CBFB: variants seen among roughly 807,000 people sequenced by gnomAD.
CBFB encodes the protein core-binding factor subunit beta, also known as CBF-beta.
A neutral mutation model predicts 30.4 loss-of-function variants in CBFB; 9 were observed. That is an observed-to-expected ratio of 0.30 (90% CI 0.18 to 0.52). CBFB has a LOEUF of 0.52. Among genes scored for constraint, CBFB ranks in the 20% least tolerant of loss-of-function variants. The pLI is 0.97. For missense variants in CBFB, 170 were observed against 244.0 expected (o/e 0.70, Z 2.02); for synonymous variants, 94 against 84.0 (o/e 1.12, Z -0.65).
At chr16:67,058,965 A>G (rs372815791) in intron 3 of CBFB, among the ~76,000 whole-genome samples, 4 of 152,166 alleles carry the variant, frequency 2.6e-5, no homozygotes, top group Admixed American at 1.3e-4. Context: ...ACTGATGTGC[A>G]TGGGGGTCTT....
At chr16:67,089,074 C>A (rs181674176) in intron 5 of CBFB, among the ~76,000 whole-genome samples, 1 of 152,306 alleles carries the variant, frequency 6.6e-6, no homozygotes, top group East Asian at 1.9e-4. Flanking sequence ...TTTTCTGGAA[C>A]AGCCTATTTC....
At chr16:67,031,972 C>T (rs1179021564) in intron 2 of CBFB, among the ~76,000 whole-genome samples, 3 of 152,088 alleles carry the variant, frequency 2.0e-5, no homozygotes, top group South Asian at 2.1e-4. Flanking sequence ...ACTACAGGCT[C>T]GGCGTCACCA....
Position 67,029,420 on chromosome 16 carries a change from G to C in CBFB, c.13G>C (p.Val5Leu). MPRV[V>L]PDQRSKFENE... is the part of the protein sequence containing the mutation. ...TCAGGGCGGGAAGATGCCGCGCGTC[G>C]TGCCCGACCAGAGAAGCAAGTTCGA... The change falls in exon 1 of 6, where the codon GTG becomes CTG. Residue 5 changes from valine to leucine, a missense_variant. Val to Leu is a conservative substitution (Grantham distance 32, BLOSUM62 1). Transcript: ENST00000412916. 2.5e-6 allele frequency: 4 copies of C among 1,570,490 alleles called. No homozygotes were observed. Among genetic ancestry groups the C allele is most frequent in the Non-Finnish European group, 3.4e-6 (4 of 1,161,136 alleles).
At position 67,099,587 on chromosome 16, in the gene CBFB, C is replaced by G; in HGVS notation, c.*809C>G. 4.9e-6 allele frequency: 1 copy of G among 202,478 alleles called. No homozygotes were observed. The highest frequency in any genetic ancestry group is 6.0e-5 in the Admixed American group (1 of 16,704). The allele number at this position is 202,478 out of a possible 1,614,324, so 12.5% of individuals were successfully genotyped here. A position where few individuals can be genotyped will look rare whatever the true frequency, so the allele number is the denominator to read the frequency against. Reference sequence around the variant, plus strand: ...ATTGGTATTAACTCTGTACTCTGCCCTAGATTGTTTTAGCTTCTGTTCTGT... The same window carrying G: ...ATTGGTATTAACTCTGTACTCTGCCGTAGATTGTTTTAGCTTCTGTTCTGT... On this transcript the variant is annotated 3_prime_UTR_variant, in exon 6 of 6. Transcript: ENST00000412916.
chr16:67,099,112 ACAAGT>A lies in CBFB; in HGVS notation c.*339_*343del, dbSNP rs1017217123. The stretch of plus-strand genomic sequence containing the variant: ...ATTTAAAAGTTCATGTCATTTAAAA[ACAAGT>A]CAAGAAATTAAAATTGTATCAGAGG... On this transcript the variant is annotated 3_prime_UTR_variant, in exon 6 of 6. Coordinates refer to ENST00000412916, the MANE Select transcript of CBFB (RefSeq NM_022845.3). The A allele has an allele frequency of 2.4e-4, 68 of 279,296 alleles. No individual in the cohort carries two copies. Among genetic ancestry groups the A allele is most frequent in the Non-Finnish European group, 3.9e-4 (58 of 149,796 alleles). The allele number at this position is 279,296 out of a possible 1,614,324, so 17.3% of individuals were successfully genotyped here. A position where few individuals can be genotyped will look rare whatever the true frequency, so the allele number is the denominator to read the frequency against.
At chr16:67,066,393 C>A (rs9674150) in intron 3 of CBFB, among the ~76,000 whole-genome samples, 101 of 95,960 alleles carry the variant, frequency 1.1e-3, no homozygotes, top group Middle Eastern at 5.1e-3. Flanking sequence ...ACTAAAAATA[C>A]AAAAAAAAAA....
chr16:67,058,124 A>G (rs1286193427), intron 3 of CBFB, among the ~76,000 whole-genome samples: 2 of 148,980 alleles, frequency 1.3e-5, no homozygotes, highest in African/African-American at 2.5e-5. Flanking sequence ...TAGTTATTCA[A>G]ATCGGTTGTT....
chr16:67,089,399 AATT>A (rs1395505926), intron 5 of CBFB, among the ~76,000 whole-genome samples: 5 of 152,184 alleles, frequency 3.3e-5, no homozygotes, highest in Non-Finnish European at 7.4e-5. Context: ...AAAATAAGCA[AATT>A]ATTATTTTTC....
intron 4 of CBFB, among the ~76,000 whole-genome samples, chr16:67,069,506 A>G (rs1961159083): frequency 6.6e-6 from 1 of 152,240 alleles, no homozygotes; most frequent in African/African-American, 2.4e-5. Flanking sequence ...CAGCACACGT[A>G]TTAACATAAA....
chr16:67,085,913 C>T (rs765691031), intron 5 of CBFB, among the ~76,000 whole-genome samples: 13 of 151,338 alleles, frequency 8.6e-5, no homozygotes, highest in South Asian at 2.1e-4. Context: ...CTCCTGACCT[C>T]GTGATCTGCC....
intron 2 of CBFB, among the ~76,000 whole-genome samples, chr16:67,030,686 G>C (rs1241025968): frequency 6.6e-6 from 1 of 152,012 alleles, no homozygotes; most frequent in Admixed American, 6.5e-5. Context: ...TGCAACCTTC[G>C]CCTCCTGGGT....
intron 4 of CBFB, among the ~76,000 whole-genome samples, chr16:67,070,504 AGC>A (rs1224882096): frequency 6.6e-6 from 1 of 152,232 alleles, no homozygotes; most frequent in Admixed American, 6.5e-5. Context: ...GAAGTGATAA[AGC>A]AGACTTTATT....
chr16:67,033,720 TC>T (rs201635174), intron 2 of CBFB, among the ~76,000 whole-genome samples: 4,508 of 150,112 alleles, frequency 0.03, 76 homozygotes, highest in Admixed American at 0.035. Context: ...CACGCCATTC[TC>T]CCGCTTCAGC....
intron 3 of CBFB, among the ~76,000 whole-genome samples, chr16:67,064,822 T>TTTGTTGTTGTTTTTTA (rs970373622): frequency 6.6e-6 from 1 of 152,148 alleles, no homozygotes; most frequent in South Asian, 2.1e-4. Flanking sequence ...GTTTTTGTTT[T>TTTGTTGTTGTTTTTTA]TTGTTGTTGT....
intron 4 of CBFB, among the ~76,000 whole-genome samples, chr16:67,077,538 GCTT>G (rs940682555): frequency 6.6e-6 from 1 of 152,116 alleles, no homozygotes; most frequent in African/African-American, 2.4e-5. Context: ...AAATACTGAT[GCTT>G]CTTCAGCAGA....
chr16:67,078,688 GC>G (rs1567620457), intron 4 of CBFB, among the ~76,000 whole-genome samples: 1 of 152,082 alleles, frequency 6.6e-6, no homozygotes, highest in African/African-American at 2.4e-5. Flanking sequence ...CGCTCTTGTT[GC>G]CCAGGCTGGA....
chr16:67,052,116 G>T (rs1156537452), intron 3 of CBFB, among the ~76,000 whole-genome samples: 1 of 152,094 alleles, frequency 6.6e-6, no homozygotes, highest in Non-Finnish European at 1.5e-5. Context: ...GTGAGCTCAA[G>T]TGATCCACCT....
At chr16:67,083,695 T>C (rs1198247781) in intron 5 of CBFB, among the ~76,000 whole-genome samples, 3 of 152,204 alleles carry the variant, frequency 2.0e-5, no homozygotes, top group Non-Finnish European at 4.4e-5. Flanking sequence ...TTTGAGCTTT[T>C]TTCCCCCCAC....
At chr16:67,033,466 G>T (rs887151750) in intron 2 of CBFB, among the ~76,000 whole-genome samples, 73 of 151,758 alleles carry the variant, frequency 4.8e-4, no homozygotes, top group Non-Finnish European at 2.1e-4. Flanking sequence ...GATTACAGGC[G>T]CCTGCCACCA....
Sources: allele counts gnomAD v4.1 joint callset (sites outside exome capture counted in the v4.1 genomes callset), GRCh38; gene constraint gnomAD v4.1.1; transcripts MANE v1.5; gene names NCBI Gene and HGNC (gene_info 2026-07-23, HGNC 2026-07-21).